The following CALN1 variants were observed in gnomAD, a reference collection of about 807,000 sequenced individuals.
CALN1 encodes calcium-binding protein 8.
Under a neutral mutation model 30.6 loss-of-function variants are expected in CALN1, and 17 were observed. That is an observed-to-expected ratio of 0.56 (90% CI 0.38 to 0.83). The LOEUF (loss-of-function observed/expected upper bound fraction) is 0.83, where lower values mean the gene tolerates loss of function less well. CALN1 is among the 40% of genes least tolerant of loss of function. The pLI, the probability that CALN1 is intolerant of heterozygous loss-of-function variation, is 0.00. For synonymous variants in CALN1, 156 were observed against 131.4 expected, an observed-to-expected ratio of 1.19 and a Z score of -1.28; for missense variants, 291 against 354.9, an observed-to-expected ratio of 0.82 and a Z score of 1.45.
intron 2 of CALN1, among the ~76,000 whole-genome samples, chr7:72,281,677 CAAA>C (rs894455265): frequency 2.6e-5 from 4 of 152,142 alleles, no homozygotes; most frequent in African/African-American, 9.7e-5. Context: ...AAGGTCGGTA[CAAA>C]AAGCATTCCT....
At chr7:72,375,009 T>G (rs1804472147) in intron 2 of CALN1, among the ~76,000 whole-genome samples, 1 of 148,862 alleles carries the variant, frequency 6.7e-6, no homozygotes, top group African/African-American at 2.6e-5. Flanking sequence ...TATTTATACT[T>G]ACAAAAACTT....
At chr7:71,842,079 G>A (rs963826830) in intron 5 of CALN1, among the ~76,000 whole-genome samples, 1 of 152,008 alleles carries the variant, frequency 6.6e-6, no homozygotes. Flanking sequence ...TTACTGATTA[G>A]GAGAGAGAGA....
chr7:72,414,087 C>A (rs567795949), upstream of CALN1, among the ~76,000 whole-genome samples: 23 of 152,190 alleles, frequency 1.5e-4, no homozygotes, highest in South Asian at 4.6e-3. Flanking sequence ...ATCTTCCCAT[C>A]ACCCTCGCCA....
At chr7:72,022,308 A>G (rs1800751053) in intron 5 of CALN1, among the ~76,000 whole-genome samples, 1 of 152,238 alleles carries the variant, frequency 6.6e-6, no homozygotes, top group African/African-American at 2.4e-5. Context: ...CTGTGCTTCA[A>G]GGAGTTACAG....
At chr7:71,794,241 T>C (rs911643678) in intron 6 of CALN1, among the ~76,000 whole-genome samples, 1 of 152,190 alleles carries the variant, frequency 6.6e-6, no homozygotes, top group African/African-American at 2.4e-5. Context: ...ACAAATTCTT[T>C]TTGGTCTCCT....
At chr7:72,137,507 A>G (rs1361380788) in intron 3 of CALN1, among the ~76,000 whole-genome samples, 1 of 152,238 alleles carries the variant, frequency 6.6e-6, no homozygotes, top group Non-Finnish European at 1.5e-5. Context: ...GACTTGCCCA[A>G]CCACAGGGTT....
chr7:71,920,720 C>T (rs1019238073), intron 5 of CALN1, among the ~76,000 whole-genome samples: 1 of 152,162 alleles, frequency 6.6e-6, no homozygotes, highest in Admixed American at 6.5e-5. Context: ...TTATTGAGCA[C>T]ATATGCCTGA....
At chr7:71,883,548 G>A (rs1369044905) in intron 5 of CALN1, among the ~76,000 whole-genome samples, 2 of 152,126 alleles carry the variant, frequency 1.3e-5, no homozygotes, top group Non-Finnish European at 2.9e-5. Flanking sequence ...GGAACATAAT[G>A]AGCAGGAAGT....
intron 2 of CALN1, among the ~76,000 whole-genome samples, chr7:72,392,066 A>G (rs571652086): frequency 6.6e-6 from 1 of 152,330 alleles, no homozygotes; most frequent in East Asian, 1.9e-4. Context: ...TGGAAGGCTC[A>G]CTGAGATGCT....
intron 5 of CALN1, among the ~76,000 whole-genome samples, chr7:71,946,902 T>A (rs1263444467): frequency 6.6e-6 from 1 of 152,034 alleles, no homozygotes; most frequent in Non-Finnish European, 1.5e-5. Context: ...AGGCTTCTCA[T>A]GAACTCCTGG....
chr7:71,889,385 C>T (rs1413633629), intron 5 of CALN1, among the ~76,000 whole-genome samples: 1 of 152,044 alleles, frequency 6.6e-6, no homozygotes, highest in African/African-American at 2.4e-5. Flanking sequence ...AAGGTAAAAA[C>T]TTGACGTTGG....
chr7:72,078,653 T>C (rs844744), intron 4 of CALN1, among the ~76,000 whole-genome samples: 113,124 of 151,848 alleles, frequency 0.74, 42,572 homozygotes, highest in East Asian at 1. Context: ...TCAGGGAGGG[T>C]CGGGCGCAGT....
intron 5 of CALN1, among the ~76,000 whole-genome samples, chr7:71,828,663 T>C (rs1424841959): frequency 1.3e-5 from 2 of 149,724 alleles, no homozygotes; most frequent in Non-Finnish European, 3.0e-5. Context: ...TACATATATA[T>C]ATATATGTAA....
At position 72,399,251 on chromosome 7, in the gene CALN1, G is replaced by T. The variant is rs574659436; in HGVS notation, c.119+4000C>A. Among the ~76,000 whole-genome samples, 9 of 145,178 alleles carry T rather than the reference G, an allele frequency of 6.2e-5. No homozygotes were observed. In the South Asian group the frequency reaches 2.0e-3, roughly 33 times the overall value. On this transcript the variant is annotated intron_variant, in intron 2 of 6. Transcript: ENST00000395275. Reference sequence around the variant, plus strand: ...GTCCCTACCTCTACAGTCCCCAGCCGGTTTTGTCTAACCTATTGCTTTTTT... The same window carrying T: ...GTCCCTACCTCTACAGTCCCCAGCCTGTTTTGTCTAACCTATTGCTTTTTT...
the CALN1 span, among the ~76,000 whole-genome samples, chr7:72,497,277 TA>T: frequency 1.3e-5 from 2 of 152,176 alleles, no homozygotes; most frequent in South Asian, 4.1e-4. Flanking sequence ...TCGTCTCTAC[TA>T]AAAATACCAA....
intron 1 of CALN1, among the ~76,000 whole-genome samples, chr7:72,404,662 C>CCTCTTTCTACT (rs1806580208): frequency 6.6e-6 from 1 of 152,156 alleles, no homozygotes; most frequent in Non-Finnish European, 1.5e-5. Flanking sequence ...GTCCCTCTGC[C>CCTCTTTCTACT]CTCTTTCTAC....
chr7:71,898,279 G>A (rs959461553), intron 5 of CALN1, among the ~76,000 whole-genome samples: 7 of 152,062 alleles, frequency 4.6e-5, no homozygotes, highest in African/African-American at 1.4e-4. Flanking sequence ...GCAGTGAGCC[G>A]AGATTGCACT....
chr7:71,952,873 T>C (rs1304411772), intron 5 of CALN1, among the ~76,000 whole-genome samples: 1 of 152,196 alleles, frequency 6.6e-6, no homozygotes, highest in Non-Finnish European at 1.5e-5. Flanking sequence ...CCAGAAAGTC[T>C]TCTTCGATTC....
intron 2 of CALN1, among the ~76,000 whole-genome samples, chr7:72,379,255 A>G (rs1164739326): frequency 1.3e-5 from 2 of 152,276 alleles, no homozygotes; most frequent in Admixed American, 6.5e-5. Flanking sequence ...ACACCCTCCC[A>G]AAGTGCTGGG....
Sources: gnomAD v4.1 joint callset for allele counts (sites outside exome capture counted in the v4.1 genomes callset) on GRCh38, gnomAD v4.1.1 for gene constraint, MANE v1.5 for transcripts, NCBI Gene and HGNC (gene_info 2026-07-23, HGNC 2026-07-21) for gene names.